Variants in TAFA5 observed in about 807,000 individuals in gnomAD.
TAFA5 encodes chemokine-like protein TAFA-5.
TAFA5 carries 6 observed loss-of-function variants against 15.3 expected under a neutral mutation model. The observed-to-expected ratio is 0.39, with a 90% CI of 0.21 to 0.77. The LOEUF is 0.77. Ranked by LOEUF, TAFA5 falls within the 30% of genes least tolerant of loss-of-function variation. The probability of loss-of-function intolerance (pLI) is 0.41; values close to 1 mark genes in which losing one functional copy is unlikely to be tolerated. For missense variants in TAFA5, 161 were observed against 193.1 expected (o/e 0.83, Z 0.98); for synonymous variants, 103 against 80.7 (o/e 1.28, Z -1.48).
chr22:48,708,907 C>T (rs1021444910), intron 3 of TAFA5, among the ~76,000 whole-genome samples: 34 of 152,288 alleles, frequency 2.2e-4, no homozygotes, highest in African/African-American at 6.3e-4. Context: ...TGGGCTGTTC[C>T]GGCACTTGGT....
At position 48,701,759 on chromosome 22, in the gene TAFA5, G is replaced by A. The variant is rs148749481; in HGVS notation, c.263-5958G>A. Reference sequence around the variant, plus strand: ...CAGGGTCACCAGGCCTGCTCCTCTCGGAGACTTCAAGGAGAGCCCGGCTCC... The same window carrying A: ...CAGGGTCACCAGGCCTGCTCCTCTCAGAGACTTCAAGGAGAGCCCGGCTCC... On this transcript the variant is annotated intron_variant, in intron 2 of 3. Transcript: ENST00000402357. Among the ~76,000 whole-genome samples the A allele has an allele frequency of 3.5e-3, 527 of 152,310 alleles. 3 individuals carry two copies. The highest frequency in any genetic ancestry group is 0.011 in the African/African-American group (456 of 41,574).
At chr22:48,502,068 C>T (rs768712200) in intron 1 of TAFA5, among the ~76,000 whole-genome samples, 37 of 152,348 alleles carry the variant, frequency 2.4e-4, no homozygotes, top group Non-Finnish European at 4.7e-4. Context: ...GTGGCCCACC[C>T]GCTGTCTCTA....
rs73889716 is a variant in TAFA5, at chr22:48,737,445, C to G, written c.391-12394C>G. ...TCCCTGGTCCCCTCAATGCTGTCCA[C>G]CCATGAACTCGCAACTGAATGAGGC... is the stretch of plus-strand genomic sequence containing the variant. On this transcript the variant is annotated intron_variant, in intron 3 of 3. Coordinates refer to ENST00000402357, the MANE Select transcript of TAFA5 (RefSeq NM_001082967.3). 7.8e-4 allele frequency among the ~76,000 whole-genome samples: 119 copies of G among 152,330 alleles called. 1 individual carries two copies. The highest frequency in any genetic ancestry group is 2.7e-3 in the African/African-American group (112 of 41,588).
intron 1 of TAFA5, among the ~76,000 whole-genome samples, chr22:48,599,923 G>A (rs990065694): frequency 6.6e-6 from 1 of 152,146 alleles, no homozygotes; most frequent in African/African-American, 2.4e-5. Flanking sequence ...AACACAGGCT[G>A]GGGGCCGCTG....
intron 1 of TAFA5, among the ~76,000 whole-genome samples, chr22:48,584,735 T>C (rs1202560252): frequency 7.5e-6 from 1 of 133,810 alleles, no homozygotes; most frequent in Non-Finnish European, 1.6e-5. Context: ...ACGCACCATA[T>C]ACACGCACCC....
chr22:48,574,855 A>C (rs1451242453), intron 1 of TAFA5, among the ~76,000 whole-genome samples: 1 of 152,190 alleles, frequency 6.6e-6, no homozygotes, highest in Non-Finnish European at 1.5e-5. Flanking sequence ...AAAGTGGCCT[A>C]AAACAAAGAC....
intron 3 of TAFA5, among the ~76,000 whole-genome samples, chr22:48,747,328 C>T (rs909954092): frequency 3.3e-5 from 5 of 152,202 alleles, no homozygotes; most frequent in South Asian, 2.1e-4. Context: ...TTCTCGTGGA[C>T]CTGGCCTTGG....
At chr22:48,500,209 C>T (rs1310568104) in intron 1 of TAFA5, among the ~76,000 whole-genome samples, 3 of 152,074 alleles carry the variant, frequency 2.0e-5, no homozygotes, top group Non-Finnish European at 2.9e-5. Flanking sequence ...ATCAGCGATC[C>T]CAGCCTCAGA....
intron 1 of TAFA5, among the ~76,000 whole-genome samples, chr22:48,522,602 C>G (rs566829571): frequency 5.3e-4 from 81 of 152,334 alleles, no homozygotes; most frequent in Non-Finnish European, 8.8e-4. Flanking sequence ...CAACCTGAAG[C>G]CCTCCCCAGG....
chr22:48,573,761 C>T (rs965157968), intron 1 of TAFA5, among the ~76,000 whole-genome samples: 7 of 152,204 alleles, frequency 4.6e-5, no homozygotes, highest in African/African-American at 1.4e-4. Context: ...CTTTAATTCT[C>T]TTTACAGAAG....
chr22:48,553,931 G>C (rs1010219459), intron 1 of TAFA5, among the ~76,000 whole-genome samples: 1 of 152,232 alleles, frequency 6.6e-6, no homozygotes, highest in South Asian at 2.1e-4. Context: ...CTGGCCAAGC[G>C]TGGACACTGT....
At chr22:48,660,282 A>C (rs1230249639) in intron 2 of TAFA5, among the ~76,000 whole-genome samples, 1 of 152,226 alleles carries the variant, frequency 6.6e-6, no homozygotes. Context: ...ACTCTGGAGC[A>C]GAAGTGGCGC....
rs1426789817 is a variant in TAFA5 at position 48,660,235 on chromosome 22, AGTT to A, written c.262+13496_262+13498del. On this transcript the variant is annotated intron_variant, in intron 2 of 3. Transcript: ENST00000402357. ...CCCATCTCCCAGTGCCTGGCAAGGA[AGTT>A]GTTGTTTGCTGACGATGGTTGGATG... 5.3e-5 allele frequency among the ~76,000 whole-genome samples: 8 copies of A among 152,262 alleles called. No individual in the cohort carries two copies. In the East Asian group the frequency reaches 7.7e-4, roughly 15 times the overall value.
At position 48,742,220 on chromosome 22, in the gene TAFA5, C is replaced by T. The variant is rs1930200477; in HGVS notation, c.391-7619C>T. On this transcript the variant is annotated intron_variant, in intron 3 of 3. Transcript: ENST00000402357. This position sits in a 1 kb window ranked among gnomAD's most constrained non-coding sequence, Gnocchi z 6.2. ...CACAGGCCCCTCATCCTTCACCAGGCACAGCCCTGCCCCACCCCACAGGCC... is the reference window on the plus strand; with the variant it reads ...CACAGGCCCCTCATCCTTCACCAGGTACAGCCCTGCCCCACCCCACAGGCC... Among the ~76,000 whole-genome samples, 1 of 151,788 alleles carries T rather than the reference C, an allele frequency of 6.6e-6. No individual in the cohort carries two copies. Among genetic ancestry groups the T allele is most frequent in the Non-Finnish European group, 1.5e-5 (1 of 67,936 alleles).
At chr22:48,495,759 C>A (rs963823966) in intron 1 of TAFA5, among the ~76,000 whole-genome samples, 1 of 152,212 alleles carries the variant, frequency 6.6e-6, no homozygotes, top group Non-Finnish European at 1.5e-5. Flanking sequence ...CTGCCCTGAA[C>A]CATAACTTCC....
chr22:48,528,846 C>G (rs1164518149), intron 1 of TAFA5, among the ~76,000 whole-genome samples: 1 of 152,192 alleles, frequency 6.6e-6, no homozygotes, highest in African/African-American at 2.4e-5. Context: ...CCTGACCTGC[C>G]TTTGCTTTCC....
chr22:48,748,113 G>A (rs1038068427), intron 3 of TAFA5, among the ~76,000 whole-genome samples: 4 of 152,144 alleles, frequency 2.6e-5, no homozygotes, highest in East Asian at 1.9e-4. Context: ...CACGCCCTCC[G>A]GTCACTCCTG....
chr22:48,627,032 A>G (rs1601625434), intron 1 of TAFA5, among the ~76,000 whole-genome samples: 1 of 151,852 alleles, frequency 6.6e-6, no homozygotes, highest in Admixed American at 6.6e-5. Context: ...CCTTTCCTTC[A>G]CTGTGGCAGC....
chr22:48,749,618 C>A (rs1282194715), intron 3 of TAFA5, among the ~76,000 whole-genome samples: 2 of 152,166 alleles, frequency 1.3e-5, no homozygotes, highest in African/African-American at 4.8e-5. Context: ...AGGTCGTGCA[C>A]AGAGGGCGCC....
Sources: gnomAD v4.1 joint callset for allele counts (sites outside exome capture counted in the v4.1 genomes callset) on GRCh38, gnomAD v4.1.1 for gene constraint, Gnocchi (gnomAD v3.1) non-coding constraint, MANE v1.5 for transcripts, NCBI Gene and HGNC (gene_info 2026-07-23, HGNC 2026-07-21) for gene names.